Variants in BMAL1 observed in about 807,000 individuals in gnomAD.
The protein encoded by BMAL1 is basic helix-loop-helix ARNT like 1, also known as basic helix-loop-helix ARNT-like protein 1.
At chr11:13,365,209 A>G in the BMAL1 span, among the ~76,000 whole-genome samples, 14 of 152,120 alleles carry the variant, frequency 9.2e-5, no homozygotes, top group Admixed American at 3.9e-4. Context: ...AACACGTGCA[A>G]GCTGAATTCT....
At chr11:13,357,957 T>C in the BMAL1 span, among the ~76,000 whole-genome samples, 1 of 152,186 alleles carries the variant, frequency 6.6e-6, no homozygotes, top group Non-Finnish European at 1.5e-5. The surrounding 1 kb of genome is among the most constrained non-coding windows in gnomAD (Gnocchi z 4.8). Flanking sequence ...CTGGGTGCCC[T>C]AGTCAGTGAG....
the BMAL1 span, among the ~76,000 whole-genome samples, chr11:13,301,320 A>T: frequency 3.3e-5 from 5 of 152,216 alleles, no homozygotes; most frequent in East Asian, 9.6e-4. Context: ...AAACCAGCAA[A>T]TGTTTACACT....
At chr11:13,372,549 C>A in the BMAL1 span, 1 of 1,327,748 alleles carries the variant, frequency 7.5e-7, no homozygotes, top group Non-Finnish European at 1.0e-6. Context: ...GTGGCTCACA[C>A]CTCAAATCCC....
At chr11:13,304,826 A>G in the BMAL1 span, among the ~76,000 whole-genome samples, 1 of 152,314 alleles carries the variant, frequency 6.6e-6, no homozygotes, top group Non-Finnish European at 1.5e-5. Context: ...AAAAGGAGGA[A>G]GTTCTGGAAT....
chr11:13,362,944 T>C, the BMAL1 span, among the ~76,000 whole-genome samples: 1 of 151,958 alleles, frequency 6.6e-6, no homozygotes, highest in South Asian at 2.1e-4. Context: ...GTAACAGATC[T>C]GCAGCTGTAG....
the BMAL1 span, chr11:13,358,309 C>A: frequency 8.8e-7 from 1 of 1,139,382 alleles, no homozygotes; most frequent in African/African-American, 1.6e-5. Flanking sequence ...TTTAAACATT[C>A]TGCAAATTCT....
At chr11:13,316,037 C>T in the BMAL1 span, among the ~76,000 whole-genome samples, 3 of 152,210 alleles carry the variant, frequency 2.0e-5, no homozygotes, top group East Asian at 1.9e-4. Context: ...TCCCTTTGCC[C>T]TTTTCTCTAC....
chr11:13,372,464 A>C, the BMAL1 span: 1 of 1,597,966 alleles, frequency 6.3e-7, no homozygotes, highest in African/African-American at 1.3e-5. Context: ...TTCAACCCTG[A>C]TCTAAAAAGC....
the BMAL1 span, among the ~76,000 whole-genome samples, chr11:13,346,094 AC>A: frequency 6.6e-6 from 1 of 152,206 alleles, no homozygotes; most frequent in Admixed American, 6.5e-5. Flanking sequence ...TCGTTGTGCT[AC>A]TGTCCATCCA....
chr11:13,347,993 T>C, the BMAL1 span, among the ~76,000 whole-genome samples: 1 of 152,112 alleles, frequency 6.6e-6, no homozygotes, highest in Non-Finnish European at 1.5e-5. Flanking sequence ...AATAAGGCCC[T>C]ACCTGCCTGA....
At chr11:13,326,388 C>G in the BMAL1 span, 8 of 152,238 alleles carry the variant, frequency 5.3e-5, no homozygotes, top group African/African-American at 1.7e-4. Flanking sequence ...ATTCTCACCT[C>G]CTACCTCTCC....
chr11:13,369,728 G>A, the BMAL1 span: 1 of 1,613,862 alleles, frequency 6.2e-7, no homozygotes, highest in South Asian at 1.1e-5. Context: ...AGTAAAGGTT[G>A]AAGACAAGGA....
chr11:13,360,432 C>T, the BMAL1 span: 1 of 1,607,764 alleles, frequency 6.2e-7, no homozygotes, highest in East Asian at 2.2e-5. Flanking sequence ...AGGGTATGTT[C>T]AATTATGGGA....
At chr11:13,385,860 AGAACT>A in the BMAL1 span, 217 of 1,188,252 alleles carry the variant, frequency 1.8e-4, no homozygotes, top group Non-Finnish European at 2.5e-4. Flanking sequence ...GTCAATTTTA[AGAACT>A]GAACTGTGTG....
At chr11:13,322,149 C>T in the BMAL1 span, among the ~76,000 whole-genome samples, 3 of 152,122 alleles carry the variant, frequency 2.0e-5, no homozygotes, top group East Asian at 3.9e-4. Flanking sequence ...TTCTTGTCTA[C>T]GAAGGAGGGC....
chr11:13,375,653 T>G, the BMAL1 span: 1 of 1,591,316 alleles, frequency 6.3e-7, no homozygotes, highest in Non-Finnish European at 8.5e-7. Flanking sequence ...TTGCTATAAA[T>G]TTAAAATCAA....
At chr11:13,376,910 T>G in the BMAL1 span, 513 of 600,108 alleles carry the variant, frequency 8.5e-4, 2 homozygotes, top group Non-Finnish European at 1.1e-3. Flanking sequence ...ACTTTCTCTG[T>G]TGAGCCGGAA....
the BMAL1 span, among the ~76,000 whole-genome samples, chr11:13,368,268 C>T: frequency 5.9e-5 from 9 of 151,974 alleles, no homozygotes; most frequent in Admixed American, 4.6e-4. Flanking sequence ...CTCATGTGGG[C>T]GCAAGGACAG....
the BMAL1 span, among the ~76,000 whole-genome samples, chr11:13,348,617 T>A: frequency 1.3e-5 from 2 of 152,082 alleles, no homozygotes; most frequent in Non-Finnish European, 2.9e-5. Context: ...AAACAGAGAA[T>A]CAGATTTAGA....
Sources: gnomAD v4.1 joint callset for allele counts (sites outside exome capture counted in the v4.1 genomes callset) on GRCh38, gnomAD v4.1.1 for gene constraint, Gnocchi (gnomAD v3.1) non-coding constraint, MANE v1.5 for transcripts, NCBI Gene and HGNC (gene_info 2026-07-23, HGNC 2026-07-21) for gene names.